Variants in GPC6 observed in about 807,000 individuals in gnomAD.
GPC6 encodes the protein glypican-6.
A neutral mutation model predicts 55.2 loss-of-function variants in GPC6; 14 were observed. The ratio of observed to expected loss-of-function variants is 0.25; its 90% confidence interval spans 0.17 to 0.40. The LOEUF (loss-of-function observed/expected upper bound fraction) is 0.40, where lower values mean the gene tolerates loss of function less well. Ranked by LOEUF, GPC6 falls within the 10% of genes least tolerant of loss-of-function variation. GPC6 has a pLI of 1.00. For synonymous variants in GPC6, 278 were observed against 259.6 expected (o/e 1.07, Z -0.68); for missense variants, 641 against 708.5 (o/e 0.90, Z 1.08).
intron 2 of GPC6, among the ~76,000 whole-genome samples, chr13:93,799,688 G>T (rs766840144): frequency 1.3e-5 from 2 of 152,140 alleles, no homozygotes; most frequent in Non-Finnish European, 2.9e-5. Flanking sequence ...GTAAAAGATG[G>T]TATAAATGCC....
intron 5 of GPC6, among the ~76,000 whole-genome samples, chr13:94,286,796 G>A (rs1892544552): frequency 6.6e-6 from 1 of 152,124 alleles, no homozygotes; most frequent in South Asian, 2.1e-4. Context: ...TCTTTTTAAT[G>A]TTTGAAATGT....
intron 2 of GPC6, among the ~76,000 whole-genome samples, chr13:93,643,631 C>G (rs1880052973): frequency 6.6e-6 from 1 of 152,018 alleles, no homozygotes; most frequent in South Asian, 2.1e-4. Flanking sequence ...TTCTTCTTTC[C>G]TGGTAAGGGG....
chr13:94,185,258 G>GA (rs759584811), intron 4 of GPC6, among the ~76,000 whole-genome samples: 371 of 56,444 alleles, frequency 6.6e-3, no homozygotes, highest in African/African-American at 9.5e-3. Flanking sequence ...AATAAAAGTT[G>GA]AAAAAAAAAA....
intron 4 of GPC6, among the ~76,000 whole-genome samples, chr13:94,207,027 C>T (rs1889925473): frequency 6.6e-6 from 1 of 152,086 alleles, no homozygotes; most frequent in Non-Finnish European, 1.5e-5. Flanking sequence ...TGACTAGAGA[C>T]ACCGCTAGAA....
chr13:94,386,136 G>A (rs927387230), intron 7 of GPC6, among the ~76,000 whole-genome samples: 1 of 151,644 alleles, frequency 6.6e-6, no homozygotes, highest in Non-Finnish European at 1.5e-5. Context: ...AAGGCGGGCG[G>A]ATGATGAGGT....
intron 2 of GPC6, among the ~76,000 whole-genome samples, chr13:93,560,441 G>A (rs1013007525): frequency 6.6e-6 from 1 of 151,858 alleles, no homozygotes; most frequent in African/African-American, 2.4e-5. Flanking sequence ...GATCACTTCA[G>A]CCCAGGAGGT....
chr13:94,384,697 A>G (rs887209810), intron 7 of GPC6, among the ~76,000 whole-genome samples: 22 of 152,358 alleles, frequency 1.4e-4, no homozygotes, highest in African/African-American at 5.0e-4. Context: ...AAGAACTCAG[A>G]CAGGGTAAAC....
intron 1 of GPC6, among the ~76,000 whole-genome samples, chr13:93,513,653 C>A (rs1379485812): frequency 4.6e-5 from 7 of 152,210 alleles, no homozygotes; most frequent in African/African-American, 1.7e-4. Context: ...TGCCCTTTTG[C>A]AGTCTCTTGG....
intron 3 of GPC6, among the ~76,000 whole-genome samples, chr13:93,837,922 G>A (rs183090378): frequency 1.6e-4 from 25 of 152,266 alleles, no homozygotes; most frequent in African/African-American, 5.8e-4. Context: ...TGTGTGCAGG[G>A]AGCTACAAGC....
chr13:93,510,431 T>C (rs1880911915), intron 1 of GPC6, among the ~76,000 whole-genome samples: 1 of 152,154 alleles, frequency 6.6e-6, no homozygotes, highest in African/African-American at 2.4e-5. Flanking sequence ...GTCTTTTTTG[T>C]GCCTGGCTTA....
At position 93,334,049 on chromosome 13, in the gene GPC6, C is replaced by A. The variant is rs564856688; in HGVS notation, c.160+106433C>A. Among the ~76,000 whole-genome samples the A allele has an allele frequency of 5.3e-5, 8 of 152,160 alleles. No homozygotes were observed. The South Asian group carries it at 1.7e-3, about 32-fold the overall frequency. On this transcript the variant is annotated intron_variant, in intron 1 of 8. Transcript: ENST00000377047. ...AGTTCACAAGTATATTTAATTATGA[C>A]TTTTTACATTGTTTATGAAGTCAAG...
intron 1 of GPC6, among the ~76,000 whole-genome samples, chr13:93,397,585 T>C (rs1875907795): frequency 6.6e-6 from 1 of 152,224 alleles, no homozygotes; most frequent in Non-Finnish European, 1.5e-5. Context: ...CCTCTTTTGC[T>C]AGTGGAATTA....
At chr13:93,910,434 G>C (rs1017159256) in intron 3 of GPC6, among the ~76,000 whole-genome samples, 1 of 152,000 alleles carries the variant, frequency 6.6e-6, no homozygotes, top group East Asian at 1.9e-4. Context: ...TTTATTAGCA[G>C]CATGAGAACT....
At chr13:93,780,338 T>C (rs1285097573) in intron 2 of GPC6, among the ~76,000 whole-genome samples, 4 of 152,142 alleles carry the variant, frequency 2.6e-5, no homozygotes, top group African/African-American at 7.2e-5. Context: ...TAGTCAATTA[T>C]GTCCCACCAT....
chr13:94,382,354 T>G (rs1594226963), intron 6 of GPC6, 60 bp from the exon 7 acceptor site: 2 of 1,590,580 alleles, frequency 1.3e-6, no homozygotes, highest in East Asian at 2.2e-5. Context: ...TACGTCCTTG[T>G]GTAGAAATGG....
At chr13:93,355,502 T>C (rs1221442034) in intron 1 of GPC6, among the ~76,000 whole-genome samples, 2 of 152,182 alleles carry the variant, frequency 1.3e-5, no homozygotes, top group Non-Finnish European at 2.9e-5. Flanking sequence ...AAAGTGAGCA[T>C]TTAGATGTTT....
intron 2 of GPC6, among the ~76,000 whole-genome samples, chr13:93,711,767 C>T (rs1883076988): frequency 6.6e-6 from 1 of 151,764 alleles, no homozygotes; most frequent in South Asian, 2.1e-4. Context: ...ACTGGCAGGA[C>T]ATCTTCCTTT....
chr13:94,138,724 G>A (rs1887268621), intron 4 of GPC6, among the ~76,000 whole-genome samples: 1 of 151,982 alleles, frequency 6.6e-6, no homozygotes, highest in African/African-American at 2.4e-5. Context: ...TTTATTTTCT[G>A]GAAGGGCTGA....
intron 1 of GPC6, among the ~76,000 whole-genome samples, chr13:93,379,677 C>T (rs1875076381): frequency 6.6e-6 from 1 of 152,050 alleles, no homozygotes; most frequent in South Asian, 2.1e-4. Context: ...CTGTTGAATA[C>T]AATGAAACCA....
Sources: gnomAD v4.1 joint callset for allele counts (sites outside exome capture counted in the v4.1 genomes callset) on GRCh38, gnomAD v4.1.1 for gene constraint, MANE v1.5 for transcripts, NCBI Gene and HGNC (gene_info 2026-07-23, HGNC 2026-07-21) for gene names.